The following MGAT5 variants were observed in gnomAD, a reference collection of about 807,000 sequenced individuals.
MGAT5 encodes the protein alpha-1,6-mannosylglycoprotein 6-beta-N-acetylglucosaminyltransferase, also known as alpha-1,6-mannosylglycoprotein 6-beta-N-acetylglucosaminyltransferase A.
Under a neutral mutation model 94.3 loss-of-function variants are expected in MGAT5, and 30 were observed. The ratio of observed to expected loss-of-function variants is 0.32; its 90% CI spans 0.24 to 0.43. The LOEUF is 0.43. Ranked by LOEUF, MGAT5 falls within the 20% of genes least tolerant of loss-of-function variation. The pLI is 1.00. For synonymous variants in MGAT5, 310 were observed against 322.9 expected, an observed-to-expected ratio of 0.96 and a Z score of 0.43; for missense variants, 691 against 905.5, an observed-to-expected ratio of 0.76 and a Z score of 3.04.
chr2:134,129,843 C>T (rs995960495), intron 1 of MGAT5, among the ~76,000 whole-genome samples: 5 of 152,206 alleles, frequency 3.3e-5, no homozygotes, highest in African/African-American at 9.6e-5. Flanking sequence ...CTCTGGCCAC[C>T]GTTGAGCAGC....
At position 134,270,569 on chromosome 2, in the gene MGAT5, T is replaced by TC; in HGVS notation, c.406+19_406+20insC. 6 of 1,613,448 alleles carry TC rather than the reference T, an allele frequency of 3.7e-6. No individual in the cohort carries two copies. The highest frequency in any genetic ancestry group is 4.2e-6 in the Non-Finnish European group (5 of 1,179,506). ...GTGGCAGGTAAAAATAGCAATTCTC[T>TC]GCCCTGATATGGAGTCACACCCTGC... On this transcript the variant is annotated intron_variant, in intron 2 of 15. Transcript: ENST00000281923.
intron 2 of MGAT5, among the ~76,000 whole-genome samples, chr2:134,273,295 C>G (rs1010737418): frequency 4.5e-4 from 69 of 152,346 alleles, no homozygotes; most frequent in African/African-American, 1.6e-3. Flanking sequence ...CATAACCATG[C>G]TGATGTCTTC....
At chr2:134,179,987 T>G (rs972947788) in intron 1 of MGAT5, among the ~76,000 whole-genome samples, 7 of 152,208 alleles carry the variant, frequency 4.6e-5, no homozygotes, top group African/African-American at 1.7e-4. Context: ...CGAATAATAA[T>G]GCATTGCATG....
At position 134,345,005 on chromosome 2, in the gene MGAT5, T is replaced by C. The variant is rs1688838689; in HGVS notation, c.1053T>C (p.Ile351=). The change falls in exon 8 of 16, where the codon ATT becomes ATC. Residue 351 remains isoleucine (I), a synonymous_variant. Transcript: ENST00000281923. ...ACAGAATTGTTGAGCTCATTTACAT[T>C]GATATTGTAGGACTTGCTCAATTCA... ...VGDRIVELIY[I]DIVGLAQFKK... The C allele has an allele frequency of 1.9e-6, 3 of 1,613,512 alleles. No homozygotes were observed. In the African/African-American group the frequency reaches 4.0e-5, roughly 22 times the overall value.
At chr2:134,254,669 C>T in intron 1 of MGAT5, 25 bp downstream of exon 1, 4 of 1,612,596 alleles carry the variant, frequency 2.5e-6, no homozygotes, top group Non-Finnish European at 3.4e-6. Context: ...TGGGACCTCT[C>T]CATTAAAGTG....
chr2:134,230,357 G>A (rs1681299594), intron 1 of MGAT5, among the ~76,000 whole-genome samples: 1 of 152,196 alleles, frequency 6.6e-6, no homozygotes, highest in African/African-American at 2.4e-5. Flanking sequence ...CCAAGGACTG[G>A]TACTGGTCCA....
In MGAT5 at chr2:134,222,735, G is replaced by A. The variant is rs192739796; in HGVS notation, c.-142-31527G>A. On this transcript the variant is annotated intron_variant, in intron 1 of 16. Coordinates refer to the MGAT5 transcript ENST00000409645. Reference sequence around the variant, plus strand: ...TTTTTCCTCCGCAGGACTCCCTATGGCTGAGGGCTTTAAGAGTCAAAAGAC... The same window carrying A: ...TTTTTCCTCCGCAGGACTCCCTATGACTGAGGGCTTTAAGAGTCAAAAGAC... 9.2e-5 allele frequency among the ~76,000 whole-genome samples: 14 copies of A among 152,398 alleles called. No homozygotes were observed. The East Asian group carries it at 2.7e-3, about 29-fold the overall frequency.
At chr2:134,429,875 G>A (rs1003408483) in intron 14 of MGAT5, among the ~76,000 whole-genome samples, 1 of 152,158 alleles carries the variant, frequency 6.6e-6, no homozygotes, top group Non-Finnish European at 1.5e-5. Context: ...GTAATTCCAG[G>A]AGGTGGTAGT....
intron 1 of MGAT5, among the ~76,000 whole-genome samples, chr2:134,131,279 G>T (rs1012719066): frequency 1.3e-4 from 20 of 152,178 alleles, no homozygotes; most frequent in Non-Finnish European, 2.2e-4. Context: ...CTTCATTCTT[G>T]AAGTCAATGA....
At chr2:134,370,979 C>T (rs1263952688) in intron 10 of MGAT5, among the ~76,000 whole-genome samples, 1 of 152,098 alleles carries the variant, frequency 6.6e-6, no homozygotes, top group African/African-American at 2.4e-5. Flanking sequence ...CCATGGGACC[C>T]GGGGGTAGCC....
At chr2:134,438,369 T>A (rs1430340935) in intron 14 of MGAT5, among the ~76,000 whole-genome samples, 4 of 152,220 alleles carry the variant, frequency 2.6e-5, no homozygotes, top group Non-Finnish European at 5.9e-5. Context: ...ACAAAGTTGC[T>A]TGCATTAGCC....
chr2:134,137,620 G>C (rs1393888008), intron 1 of MGAT5, among the ~76,000 whole-genome samples: 3 of 152,062 alleles, frequency 2.0e-5, no homozygotes, highest in African/African-American at 7.3e-5. Flanking sequence ...GAGCGGGGAG[G>C]GATTTCTTGT....
chr2:134,307,457 C>T (rs1455839028), intron 2 of MGAT5, among the ~76,000 whole-genome samples: 2 of 152,032 alleles, frequency 1.3e-5, no homozygotes, highest in Admixed American at 1.3e-4. Context: ...TGTTGTTTCT[C>T]CACTCAAAGA....
chr2:134,320,237 A>C (rs971809938), intron 4 of MGAT5, among the ~76,000 whole-genome samples: 19 of 152,196 alleles, frequency 1.2e-4, no homozygotes, highest in African/African-American at 4.6e-4. Context: ...ACTCAGAAAC[A>C]GCCAGAGGGA....
intron 3 of MGAT5, 57 bp from the exon 4 acceptor site, chr2:134,318,593 T>A (rs1687138999): frequency 2.4e-6 from 3 of 1,273,858 alleles, no homozygotes; most frequent in African/African-American, 2.9e-5. Flanking sequence ...GCCTTCCCTG[T>A]CAGCAGATGT....
At chr2:134,242,551 C>G (rs1483637880) in intron 1 of MGAT5, among the ~76,000 whole-genome samples, 1 of 152,174 alleles carries the variant, frequency 6.6e-6, no homozygotes, top group Admixed American at 6.5e-5. Flanking sequence ...CTCTTACTAT[C>G]CTAGATAAGG....
intron 9 of MGAT5, among the ~76,000 whole-genome samples, chr2:134,351,274 T>G (rs930698078): frequency 6.6e-6 from 1 of 152,200 alleles, no homozygotes; most frequent in African/African-American, 2.4e-5. Context: ...ATGGTGAGGA[T>G]GCTCAGAGTT....
At chr2:134,194,562 CA>C (rs1262704809) in intron 1 of MGAT5, among the ~76,000 whole-genome samples, 2 of 152,084 alleles carry the variant, frequency 1.3e-5, no homozygotes, top group Non-Finnish European at 2.9e-5. Context: ...GTGTTCGAAT[CA>C]ATCTAATCTT....
intron 1 of MGAT5, among the ~76,000 whole-genome samples, chr2:134,126,903 C>T (rs1286109245): frequency 6.6e-6 from 1 of 150,548 alleles, no homozygotes; most frequent in Non-Finnish European, 1.5e-5. Context: ...TTTTTTAAAC[C>T]ATCTTATTTT....
Sources: allele counts gnomAD v4.1 joint callset (sites outside exome capture counted in the v4.1 genomes callset), GRCh38; gene constraint gnomAD v4.1.1; transcripts MANE v1.5; gene names NCBI Gene and HGNC (gene_info 2026-07-23, HGNC 2026-07-21).